Variants in RAB6A observed in about 807,000 individuals in gnomAD.
RAB6A encodes ras-related protein Rab-6A.
RAB6A carries 8 observed loss-of-function variants against 32.3 expected under a neutral mutation model. The ratio of observed to expected loss-of-function variants is 0.25; its 90% CI spans 0.15 to 0.45. The LOEUF (loss-of-function observed/expected upper bound fraction) is 0.45. Ranked by LOEUF, RAB6A falls within the 20% of genes least tolerant of loss-of-function variation. The pLI, the probability that RAB6A is intolerant of heterozygous loss-of-function variation, is 1.00. For missense variants in RAB6A, 104 were observed against 249.4 expected, an observed-to-expected ratio of 0.42 and a Z score of 3.93; for synonymous variants, 73 against 82.1, an observed-to-expected ratio of 0.89 and a Z score of 0.60.
chr11:73,751,297 A>G (rs1249075541), intron 1 of RAB6A, among the ~76,000 whole-genome samples: 1 of 152,136 alleles, frequency 6.6e-6, no homozygotes, highest in South Asian at 2.1e-4. Context: ...CAAAAAACAA[A>G]CCAACTAACC....
chr11:73,700,609 T>TGTTGG (rs1182408346), intron 6 of RAB6A, among the ~76,000 whole-genome samples: 3 of 28,620 alleles, frequency 1.0e-4, no homozygotes, highest in African/African-American at 6.1e-4. Context: ...AGTGTGTGTG[T>TGTTGG]GGGGGGGGGG....
intron 1 of RAB6A, among the ~76,000 whole-genome samples, chr11:73,731,763 TA>T (rs1946317262): frequency 7.0e-6 from 1 of 143,034 alleles, no homozygotes; most frequent in Non-Finnish European, 1.5e-5. Flanking sequence ...CTTTTTTTTT[TA>T]GACAGTCTCG....
intron 1 of RAB6A, among the ~76,000 whole-genome samples, chr11:73,731,105 AACAC>A (rs764194005): frequency 0.91 from 138,962 of 152,014 alleles, 63,698 homozygotes; most frequent in East Asian, 1. Flanking sequence ...AGGCCAAGTA[AACAC>A]TTACTTGGCC....
intron 6 of RAB6A, among the ~76,000 whole-genome samples, chr11:73,689,891 G>A (rs983648450): frequency 1.4e-4 from 15 of 109,204 alleles, no homozygotes; most frequent in Admixed American, 1.2e-3. Flanking sequence ...GTGAGACTCC[G>A]TCTCAAAAAA....
intron 6 of RAB6A, among the ~76,000 whole-genome samples, chr11:73,682,964 C>T (rs1180091683): frequency 3.3e-5 from 5 of 152,072 alleles, no homozygotes; most frequent in African/African-American, 1.2e-4. Context: ...AGGAAAAACT[C>T]CAATGTCCAT....
chr11:73,758,026 C>A (rs1449589745), intron 1 of RAB6A, among the ~76,000 whole-genome samples: 1 of 152,142 alleles, frequency 6.6e-6, no homozygotes, highest in African/African-American at 2.4e-5. Flanking sequence ...TAAGAAGAAA[C>A]AAGGCTTTGC....
intron 5 of RAB6A, among the ~76,000 whole-genome samples, chr11:73,713,061 T>G (rs1244489966): frequency 6.6e-6 from 1 of 152,050 alleles, no homozygotes; most frequent in Non-Finnish European, 1.5e-5. Flanking sequence ...CTTGTTCATC[T>G]TATCTTATAA....
intron 3 of RAB6A, among the ~76,000 whole-genome samples, chr11:73,720,526 C>T (rs1033997395): frequency 2.0e-5 from 3 of 152,074 alleles, no homozygotes; most frequent in Admixed American, 6.6e-5. Flanking sequence ...GCATCCTATC[C>T]TGACAAAAAA....
At chr11:73,719,616 A>ATT (rs768603020) in intron 3 of RAB6A, among the ~76,000 whole-genome samples, 5 of 143,574 alleles carry the variant, frequency 3.5e-5, no homozygotes, top group Admixed American at 7.1e-5. Context: ...AAGCTTTCAA[A>ATT]TTTTTTTTTT....
chr11:73,718,652 G>T lies in RAB6A; in HGVS notation c.250C>A (p.Arg84Ser). ...RFRSLIPSYI[R>S]DSTVAVVVYD... ...ACAACAACTGCCACAGTGGAGTCACGAATGTAGCTAGGAATCAAGCTCCTG... is the reference window on the plus strand; with the variant it reads ...ACAACAACTGCCACAGTGGAGTCACTAATGTAGCTAGGAATCAAGCTCCTG... Residue 84 changes from arginine (R) to serine (S), a missense_variant, in exon 4 of 8, where the codon CGT (arginine) becomes AGT (serine). Transcript: ENST00000336083. 6.2e-7 allele frequency: 1 copy of T among 1,614,052 alleles called. No homozygotes were observed. Among genetic ancestry groups the T allele is most frequent in the Non-Finnish European group, 8.5e-7 (1 of 1,179,982 alleles).
At chr11:73,746,490 A>C (rs1373638401) in intron 1 of RAB6A, among the ~76,000 whole-genome samples, 1 of 152,106 alleles carries the variant, frequency 6.6e-6, no homozygotes, top group Admixed American at 6.6e-5. Context: ...CCTAGGTGAC[A>C]GAGTGAGACT....
chr11:73,691,699 G>A (rs112851956), intron 6 of RAB6A, among the ~76,000 whole-genome samples: 9,218 of 152,258 alleles, frequency 0.061, 381 homozygotes, highest in East Asian at 0.17. Flanking sequence ...GGTGGCTCAC[G>A]CTTGTAATCC....
At chr11:73,713,920 T>C (rs1946006926) in intron 5 of RAB6A, among the ~76,000 whole-genome samples, 1 of 151,860 alleles carries the variant, frequency 6.6e-6, no homozygotes, top group Non-Finnish European at 1.5e-5. Flanking sequence ...ATAGGGCTTG[T>C]TGGCTCATGC....
rs765676082 is a variant in RAB6A at position 73,679,728 on chromosome 11, AAAG to A, written c.496-11_496-9del. Reference sequence around the variant, plus strand: ...TGCTACACGTCGAAAGAGCTGTGGGAAAGAGAGAAAAGTGATAACTGAGAGGGA... The same window carrying A: ...TGCTACACGTCGAAAGAGCTGTGGGAAGAGAAAAGTGATAACTGAGAGGGA... On this transcript the variant is annotated splice_polypyrimidine_tract_variant and intron_variant, in intron 6 of 7. Coordinates refer to ENST00000336083, the MANE Select transcript of RAB6A (RefSeq NM_198896.2). 3.0e-6 allele frequency: 1 copy of A among 330,038 alleles called. No homozygotes were observed. The highest frequency in any genetic ancestry group is 4.8e-6 in the Non-Finnish European group (1 of 206,354). The allele number at this position is 330,038 out of a possible 1,614,324, so 20.4% of individuals were successfully genotyped here.
chr11:73,691,332 A>G (rs1945559222), intron 6 of RAB6A, among the ~76,000 whole-genome samples: 1 of 152,088 alleles, frequency 6.6e-6, no homozygotes, highest in Non-Finnish European at 1.5e-5. Flanking sequence ...TCCCCTGGGC[A>G]CCCAGCTAAT....
At chr11:73,700,146 A>G (rs748633827) in intron 6 of RAB6A, among the ~76,000 whole-genome samples, 24 of 152,320 alleles carry the variant, frequency 1.6e-4, no homozygotes, top group Middle Eastern at 3.4e-3. Flanking sequence ...AAAATATATA[A>G]TAAGGTGACA....
chr11:73,719,923 A>G (rs1196313999), intron 3 of RAB6A, among the ~76,000 whole-genome samples: 3 of 151,506 alleles, frequency 2.0e-5, no homozygotes, highest in Non-Finnish European at 2.9e-5. Context: ...GCCGCTTTCA[A>G]ATTTTAAGAA....
intron 1 of RAB6A, among the ~76,000 whole-genome samples, chr11:73,758,906 G>A (rs1368830684): frequency 6.6e-6 from 1 of 152,062 alleles, no homozygotes; most frequent in Non-Finnish European, 1.5e-5. Flanking sequence ...CTCACCTAAA[G>A]ACACAAGTTT....
At chr11:73,724,887 AGGTT>A (rs894716857) in intron 2 of RAB6A, among the ~76,000 whole-genome samples, 2 of 152,172 alleles carry the variant, frequency 1.3e-5, no homozygotes, top group Non-Finnish European at 2.9e-5. Flanking sequence ...CATGAGAGTA[AGGTT>A]GGTTGATTTG....
Sources: allele counts gnomAD v4.1 joint callset (sites outside exome capture counted in the v4.1 genomes callset), GRCh38; gene constraint gnomAD v4.1.1; transcripts MANE v1.5; gene names NCBI Gene and HGNC (gene_info 2026-07-23, HGNC 2026-07-21).